The following ESYT2 variants were observed in gnomAD, a reference collection of about 807,000 sequenced individuals.
ESYT2 encodes extended synaptotagmin 2, also known as extended synaptotagmin-2.
A neutral mutation model predicts 107.2 loss-of-function variants in ESYT2; 54 were observed. The ratio of observed to expected loss-of-function variants is 0.50; its 90% CI spans 0.40 to 0.63. The LOEUF is 0.63. Ranked by LOEUF, ESYT2 falls within the 30% of genes least tolerant of loss-of-function variation. The probability of loss-of-function intolerance (pLI) is 0.00; values close to 1 mark genes in which losing one functional copy is unlikely to be tolerated. For synonymous variants in ESYT2, 491 were observed against 434.1 expected (o/e 1.13, Z -1.63); for missense variants, 1,020 against 1,094.5 (o/e 0.93, Z 0.96).
At chr7:158,743,392 C>T (rs887871442) in intron 17 of ESYT2, 137 bp downstream of exon 17, 2 of 1,085,504 alleles carry the variant, frequency 1.8e-6, no homozygotes, top group Admixed American at 6.2e-5. Flanking sequence ...CCTCCCTGCA[C>T]CGGCGCCCTC....
intron 1 of ESYT2, among the ~76,000 whole-genome samples, chr7:158,807,542 C>G (rs962830077): frequency 6.6e-6 from 1 of 152,162 alleles, no homozygotes; most frequent in Non-Finnish European, 1.5e-5. Context: ...CATGAAAACA[C>G]TAGTACTTTT....
At chr7:158,749,070 C>G (rs1837501161) in intron 15 of ESYT2, among the ~76,000 whole-genome samples, 1 of 152,024 alleles carries the variant, frequency 6.6e-6, no homozygotes, top group African/African-American at 2.4e-5. Flanking sequence ...CTCATAAAAT[C>G]AAGCAAAAAC....
intron 18 of ESYT2, among the ~76,000 whole-genome samples, chr7:158,740,019 C>A (rs1837136697): frequency 6.6e-6 from 1 of 152,220 alleles, no homozygotes; most frequent in Non-Finnish European, 1.5e-5. Context: ...CAAGCACTGG[C>A]CTCGAGAGCA....
intron 3 of ESYT2, among the ~76,000 whole-genome samples, chr7:158,796,431 C>A (rs1189370995): frequency 6.6e-6 from 1 of 152,184 alleles, no homozygotes. Context: ...AACATACCAG[C>A]ATTAGAGTCA....
At position 158,760,109 on chromosome 7, in the gene ESYT2, G is replaced by C. The variant is rs1837907489; in HGVS notation, c.1272C>G (p.His424Gln). The C allele has an allele frequency of 6.2e-7, 1 of 1,614,122 alleles. No homozygotes were observed. Among genetic ancestry groups the C allele is most frequent in the Admixed American group, 1.7e-5 (1 of 60,006 alleles). ...TLDEVPKGKL[H>Q]LRLEWLTLMP... The stretch of plus-strand genomic sequence containing the variant: ...TTAACGTGAGCCACTCCAGTCTCAA[G>C]TGTAGCTTCCCCTTGGGAACCTCGT... The change falls in exon 12 of 23, where the codon CAC becomes CAG. Residue 424 changes from histidine (H) to glutamine (Q), a missense_variant. His to Gln is a conservative substitution (Grantham distance 24). Coordinates refer to ENST00000275418, the MANE Select transcript of ESYT2 (RefSeq NM_001367773.1).
intron 7 of ESYT2, among the ~76,000 whole-genome samples, chr7:158,769,302 G>A (rs1461054523): frequency 6.6e-6 from 1 of 152,188 alleles, no homozygotes; most frequent in Non-Finnish European, 1.5e-5. Flanking sequence ...GATTCGGAGG[G>A]CTTCAGCCAG....
At chr7:158,809,670 G>A (rs1200866928) in intron 1 of ESYT2, among the ~76,000 whole-genome samples, 1 of 152,154 alleles carries the variant, frequency 6.6e-6, no homozygotes, top group Non-Finnish European at 1.5e-5. Context: ...AATATAGACA[G>A]TGTTAAGTTT....
rs139531934 is a variant in ESYT2 at position 158,735,562 on chromosome 7, C to A, written c.2446G>T (p.Asp816Tyr). The A allele has an allele frequency of 3.7e-4, 599 of 1,614,020 alleles. No homozygotes were observed. The highest frequency in any genetic ancestry group is 8.8e-4 in the Admixed American group (53 of 59,990). Residue 816 changes from aspartate (D) to tyrosine (Y), a missense_variant, in exon 21 of 23, where the codon GAC becomes TAC. By Grantham distance (160) the Asp-to-Tyr change is radical. Transcript: ENST00000275418. ...CCGCCACTGTTCTTCACGGCAACGT[C>A]GAGCGTTCTCCTCTGCACTTCTGGT... ...SLPEVQRRTLDVAVKNSGGFL... is the reference protein window; with the variant it reads ...SLPEVQRRTLYVAVKNSGGFL...
chr7:158,743,899 C>T (rs1837307427), intron 16 of ESYT2: 1 of 440,144 alleles, frequency 2.3e-6, no homozygotes, highest in South Asian at 2.9e-5. Context: ...ATGGTGAAAC[C>T]TCATCTCTAC....
intron 3 of ESYT2, among the ~76,000 whole-genome samples, chr7:158,795,264 G>A (rs1463048679): frequency 1.3e-5 from 2 of 152,206 alleles, no homozygotes; most frequent in Non-Finnish European, 2.9e-5. Context: ...TACAGTAGAT[G>A]AAAATGCCAA....
At position 158,741,756 on chromosome 7, in the gene ESYT2, G is replaced by A. The variant is rs778513499; in HGVS notation, c.1935C>T (p.Asn645=). The change falls in exon 18 of 23, where the codon AAC becomes AAT. Residue 645 remains asparagine (N), a synonymous_variant. Transcript: ENST00000275418. ...CAATGACTGGTGTGGATGGAGCTGT[G>A]TTGCTGCCACCAGGGCCTGGAGACC... ...MSGSPGPGGS[N]TAPSTPVIGG... is the part of the protein sequence containing the mutation. The A allele has an allele frequency of 2.2e-5, 36 of 1,614,020 alleles. No homozygotes were observed. The Admixed American group carries it at 6.0e-4, about 27-fold the overall frequency.
intron 13 of ESYT2, among the ~76,000 whole-genome samples, chr7:158,755,211 G>A (rs886409239): frequency 1.3e-5 from 2 of 152,214 alleles, no homozygotes; most frequent in African/African-American, 2.4e-5. Flanking sequence ...AGAGCACTGG[G>A]TTGGCAGCCG....
chr7:158,818,150 G>A (rs1840197253), intron 1 of ESYT2, among the ~76,000 whole-genome samples: 1 of 152,128 alleles, frequency 6.6e-6, no homozygotes, highest in Non-Finnish European at 1.5e-5. Flanking sequence ...ATTCACAAAA[G>A]GAAGTTAATG....
chr7:158,762,549 T>C (rs1320085197), intron 10 of ESYT2, among the ~76,000 whole-genome samples: 1 of 148,872 alleles, frequency 6.7e-6, no homozygotes, highest in East Asian at 2.4e-4. Context: ...CAGAAATAAT[T>C]GATATTAACA....
chr7:158,738,438 A>G (rs2129471211), intron 19 of ESYT2, among the ~76,000 whole-genome samples: 1 of 151,778 alleles, frequency 6.6e-6, no homozygotes, highest in South Asian at 2.1e-4. Context: ...ACTGTAGGCA[A>G]TTGTGACATA....
intron 3 of ESYT2, among the ~76,000 whole-genome samples, chr7:158,796,911 ACGGGAAAAGGCACCACGGC>A: frequency 7.0e-6 from 1 of 143,000 alleles, no homozygotes; most frequent in African/African-American, 2.6e-5. Context: ...CCCGACAGAG[ACGGGAAAAGGCACCACGGC>A]TGGAGGCAGA....
intron 1 of ESYT2, among the ~76,000 whole-genome samples, chr7:158,825,013 C>T (rs974419201): frequency 1.3e-5 from 2 of 152,180 alleles, no homozygotes; most frequent in Admixed American, 1.3e-4. Context: ...ACAAAAAAGG[C>T]TGGGCGCGGT....
At position 158,828,744 on chromosome 7, in the gene ESYT2, G is replaced by A. The variant is rs903078020; in HGVS notation, c.330+345C>T. On this transcript the variant is annotated intron_variant, in intron 1 of 22. Transcript: ENST00000275418. ...CCAGGCGGACAGGTTCGCAGGGAGT[G>A]GGCCGGAGGCCGGGGCGGGGCTGGG... is the stretch of plus-strand genomic sequence containing the variant. Among the ~76,000 whole-genome samples the A allele has an allele frequency of 7.9e-5, 12 of 152,192 alleles. No homozygotes were observed. In the South Asian group the frequency reaches 2.1e-3, roughly 26 times the overall value.
rs533666564 is a variant in ESYT2, at chr7:158,785,447, A to C, written c.747+2557T>G. Among the ~76,000 whole-genome samples the C allele has an allele frequency of 5.1e-3, 739 of 146,010 alleles. 4 individuals carry two copies. The highest frequency in any genetic ancestry group is 0.02 in the African/African-American group (712 of 36,124). On this transcript the variant is annotated intron_variant, in intron 6 of 22. Coordinates refer to ENST00000275418, the MANE Select transcript of ESYT2 (RefSeq NM_001367773.1). ...TCTCAAAATAAATAAATAAATAAAT[A>C]AATAAATAAATAAATAAATAAATAA... is the stretch of plus-strand genomic sequence containing the variant.
Sources: gnomAD v4.1 joint callset for allele counts (sites outside exome capture counted in the v4.1 genomes callset) on GRCh38, gnomAD v4.1.1 for gene constraint, MANE v1.5 for transcripts, NCBI Gene and HGNC (gene_info 2026-07-23, HGNC 2026-07-21) for gene names.